The following POLR3B variants were observed in gnomAD, a reference collection of about 807,000 sequenced individuals.
POLR3B encodes the protein DNA-directed RNA polymerase III subunit RPC2.
POLR3B carries 96 observed loss-of-function variants against 147.4 expected under a neutral mutation model. That is an observed-to-expected ratio of 0.65 (90% CI 0.55 to 0.77). The LOEUF is 0.77. Among genes scored for constraint, POLR3B ranks in the 30% least tolerant of loss-of-function variants. The probability of loss-of-function intolerance (pLI) is 0.00; values close to 1 mark genes in which losing one functional copy is unlikely to be tolerated. For synonymous variants in POLR3B, 461 were observed against 485.9 expected, an observed-to-expected ratio of 0.95 and a Z score of 0.67; for missense variants, 1,036 against 1,413.5, an observed-to-expected ratio of 0.73 and a Z score of 4.28.
intron 12 of POLR3B, among the ~76,000 whole-genome samples, chr12:106,412,624 AT>A (rs2037243124): frequency 6.6e-6 from 1 of 152,254 alleles, no homozygotes; most frequent in African/African-American, 2.4e-5. Flanking sequence ...TTTATCTAAT[AT>A]TTCATCCAGT....
chr12:106,496,564 A>C (rs1455642352), intron 24 of POLR3B, 188 bp from the exon 25 acceptor site: 1 of 630,302 alleles, frequency 1.6e-6, no homozygotes, highest in East Asian at 2.7e-5. Flanking sequence ...ATGAAGAAAT[A>C]TAGGACCTAT....
Position 106,411,432 on chromosome 12 carries a change from C to T in POLR3B, c.1101+472C>T, listed in dbSNP as rs575673541. On this transcript the variant is annotated intron_variant, in intron 12 of 27. Coordinates refer to ENST00000228347, the MANE Select transcript of POLR3B (RefSeq NM_018082.6). ...GGATTACAGGCGTGAGCCACCATGC[C>T]CAGCCTAATTCTTTAAATGTTAATA... Among the ~76,000 whole-genome samples the T allele has an allele frequency of 3.9e-4, 60 of 152,274 alleles. 1 individual carries two copies. Among genetic ancestry groups the T allele is most frequent in the African/African-American group, 1.3e-3 (54 of 41,534 alleles).
At chr12:106,438,843 A>G (rs1047846753) in intron 18 of POLR3B, among the ~76,000 whole-genome samples, 3 of 152,228 alleles carry the variant, frequency 2.0e-5, no homozygotes, top group African/African-American at 7.2e-5. Flanking sequence ...AAAAACTCTA[A>G]GTTTATGTGC....
intron 12 of POLR3B, among the ~76,000 whole-genome samples, chr12:106,419,072 G>A (rs2037341962): frequency 2.0e-5 from 3 of 152,134 alleles, no homozygotes; most frequent in Admixed American, 6.6e-5. Flanking sequence ...AAGGGCATTC[G>A]ATTCTGTTCA....
At chr12:106,402,723 T>A (rs1324627164) in intron 10 of POLR3B, among the ~76,000 whole-genome samples, 1 of 152,200 alleles carries the variant, frequency 6.6e-6, no homozygotes, top group African/African-American at 2.4e-5. Context: ...ATTCCCTATT[T>A]AATAAACGGT....
intron 9 of POLR3B, among the ~76,000 whole-genome samples, chr12:106,381,730 A>G (rs924800398): frequency 4.6e-5 from 7 of 152,232 alleles, no homozygotes; most frequent in Non-Finnish European, 1.0e-4. Flanking sequence ...AATCACAGAT[A>G]TACAAACATT....
intron 22 of POLR3B, among the ~76,000 whole-genome samples, chr12:106,461,341 C>T (rs1458941521): frequency 2.0e-5 from 3 of 152,154 alleles, no homozygotes; most frequent in Non-Finnish European, 4.4e-5. Flanking sequence ...GATCTGCCCA[C>T]CTTGGCCTCC....
chr12:106,454,463 A>G (rs987361911), intron 19 of POLR3B, 39 bp from the exon 20 acceptor site: 1 of 943,070 alleles, frequency 1.1e-6, no homozygotes, highest in African/African-American at 1.6e-5. Flanking sequence ...ATTTCACATA[A>G]TAGAATGTTG....
chr12:106,447,039 A>G (rs1268058007), intron 19 of POLR3B, among the ~76,000 whole-genome samples: 2 of 152,246 alleles, frequency 1.3e-5, no homozygotes, highest in Admixed American at 6.5e-5. Context: ...GCTGACAACT[A>G]AAACTCATAC....
At chr12:106,393,001 C>G in intron 9 of POLR3B, 30 bp from the exon 10 acceptor site, 1 of 1,613,786 alleles carries the variant, frequency 6.2e-7, no homozygotes, top group Non-Finnish European at 8.5e-7. Flanking sequence ...ACAAAGCCAA[C>G]ACTCTTTCTA....
rs1565909279 is a variant in POLR3B, at chr12:106,477,891, C to CCT, written c.2713+14271_2713+14272insCT. Among the ~76,000 whole-genome samples, 29 of 70,546 alleles carry CCT rather than the reference C, an allele frequency of 4.1e-4. 1 individual carries two copies. The highest frequency in any genetic ancestry group is 5.5e-4 in the African/African-American group (10 of 18,118). The allele number at this position is 70,546 out of a possible 152,430, so 46.3% of individuals were successfully genotyped here. On this transcript the variant is annotated intron_variant, in intron 23 of 27. Transcript: ENST00000228347. ...CTATTCGGCCATCTTGGCTCCTCCC[C>CCT]TTTTTTTTTTTTTTTTTTTTTTTTT...
At chr12:106,466,118 T>C (rs959376210) in intron 23 of POLR3B, among the ~76,000 whole-genome samples, 2 of 152,192 alleles carry the variant, frequency 1.3e-5, no homozygotes, top group African/African-American at 2.4e-5. Flanking sequence ...GCGTCTGTTG[T>C]TTCCTGACTT....
intron 23 of POLR3B, among the ~76,000 whole-genome samples, chr12:106,468,910 A>G (rs2038047268): frequency 6.6e-6 from 1 of 152,150 alleles, no homozygotes; most frequent in Admixed American, 6.5e-5. Context: ...AGAAAAATGT[A>G]TATTCTGTTG....
chr12:106,475,438 A>G lies in POLR3B; in HGVS notation c.2713+11818A>G, dbSNP rs1372197614. ...GGTATCCTTGTTGACTTTCTGTCTC[A>G]TTGATCTGTCTAATGTTGACAGTGG... On this transcript the variant is annotated intron_variant, in intron 23 of 27. Coordinates refer to ENST00000228347, the MANE Select transcript of POLR3B (RefSeq NM_018082.6). Among the ~76,000 whole-genome samples the G allele has an allele frequency of 1.2e-4, 12 of 103,202 alleles. 2 individuals carry two copies. Among genetic ancestry groups the G allele is most frequent in the Admixed American group, 7.4e-4 (8 of 10,858 alleles). 67.7% of individuals were successfully genotyped at this position (103,202 alleles called of 152,430 possible). A position where few individuals can be genotyped will look rare whatever the true frequency, so the allele number is the denominator to read the frequency against.
chr12:106,438,296 T>C lies in POLR3B; in HGVS notation c.1955+517T>C, dbSNP rs563581195. On this transcript the variant is annotated intron_variant, in intron 18 of 27. Transcript: ENST00000228347. ...TTTCTGTATGTACCATAAAGAAATA[T>C]ACAATTTTATAGCAGAGCATAACGC... Among the ~76,000 whole-genome samples the C allele has an allele frequency of 1.1e-3, 170 of 152,244 alleles. 1 individual carries two copies. The highest frequency in any genetic ancestry group is 3.4e-3 in the African/African-American group (142 of 41,542).
intron 19 of POLR3B, among the ~76,000 whole-genome samples, chr12:106,452,022 G>A (rs760786723): frequency 1.4e-4 from 22 of 152,052 alleles, no homozygotes; most frequent in Admixed American, 7.2e-4. Flanking sequence ...TATATGTAAC[G>A]CCCTTTTTAA....
intron 9 of POLR3B, among the ~76,000 whole-genome samples, chr12:106,385,113 C>T (rs917054711): frequency 2.0e-5 from 3 of 152,078 alleles, no homozygotes; most frequent in African/African-American, 7.2e-5. Flanking sequence ...TAAGCCACAG[C>T]GCCTGGCCTT....
chr12:106,440,717 C>T (rs187927805), intron 18 of POLR3B, among the ~76,000 whole-genome samples: 1 of 151,296 alleles, frequency 6.6e-6, no homozygotes, highest in Non-Finnish European at 1.5e-5. Flanking sequence ...ATCCACTCCT[C>T]TTTACTACTT....
chr12:106,357,978 C>T (rs777195328), intron 1 of POLR3B, 27 bp downstream of exon 1: 3 of 1,609,978 alleles, frequency 1.9e-6, no homozygotes, highest in Non-Finnish European at 1.7e-6. Flanking sequence ...CAGGGAGCGT[C>T]AGGGACAAGG....
Sources: gnomAD v4.1 joint callset for allele counts (sites outside exome capture counted in the v4.1 genomes callset) on GRCh38, gnomAD v4.1.1 for gene constraint, MANE v1.5 for transcripts, NCBI Gene and HGNC (gene_info 2026-07-23, HGNC 2026-07-21) for gene names.